Variants in VSTM4 observed in about 807,000 individuals in gnomAD.
VSTM4 encodes V-set and transmembrane domain-containing protein 4.
Under a neutral mutation model 36.4 loss-of-function variants are expected in VSTM4, and 20 were observed. The observed-to-expected ratio is 0.55, with a 90% CI of 0.39 to 0.80. The LOEUF (loss-of-function observed/expected upper bound fraction) is 0.80, where lower values mean the gene tolerates loss of function less well. Ranked by LOEUF, VSTM4 falls within the 30% of genes least tolerant of loss-of-function variation. The pLI is 0.00. For missense variants in VSTM4, 392 were observed against 404.5 expected (o/e 0.97, Z 0.26); for synonymous variants, 182 against 173.9 (o/e 1.05, Z -0.37).
chr10:49,051,249 A>C (rs1358127353), intron 5 of VSTM4, among the ~76,000 whole-genome samples: 1 of 152,084 alleles, frequency 6.6e-6, no homozygotes, highest in Non-Finnish European at 1.5e-5. Flanking sequence ...GCGATCTTTT[A>C]ACGTCTCCAC....
intron 2 of VSTM4, among the ~76,000 whole-genome samples, chr10:49,091,557 C>T (rs971363073): frequency 4.6e-5 from 7 of 152,142 alleles, no homozygotes; most frequent in South Asian, 2.1e-4. Context: ...GTGTGAAAAC[C>T]GAGAGCCCTA....
At chr10:49,025,766 G>A (rs1308074290) in intron 7 of VSTM4, among the ~76,000 whole-genome samples, 1 of 152,226 alleles carries the variant, frequency 6.6e-6, no homozygotes, top group African/African-American at 2.4e-5. Flanking sequence ...GCTAGCTGCA[G>A]GACATTCCTG....
At chr10:49,066,703 T>C (rs1333181716) in intron 4 of VSTM4, among the ~76,000 whole-genome samples, 2 of 152,168 alleles carry the variant, frequency 1.3e-5, no homozygotes, top group Non-Finnish European at 2.9e-5. Flanking sequence ...CTATTATGTA[T>C]CTAAATTTAT....
intron 1 of VSTM4, among the ~76,000 whole-genome samples, chr10:49,115,076 G>C (rs1260988414): frequency 6.6e-6 from 1 of 152,184 alleles, no homozygotes; most frequent in Non-Finnish European, 1.5e-5. Context: ...TGTGTGTCCT[G>C]ACTGCCGTGG....
chr10:49,062,313 T>C (rs1336553870), intron 5 of VSTM4, among the ~76,000 whole-genome samples: 5 of 62,336 alleles, frequency 8.0e-5, no homozygotes, highest in Non-Finnish European at 1.5e-4. Context: ...GGCTCCAACA[T>C]TTTTTTCTGT....
At position 49,019,767 on chromosome 10, in the gene VSTM4, A is replaced by G. The variant is rs1216201301; in HGVS notation, c.846T>C (p.Ile282=). The change falls in exon 8 of 8, where the codon ATT becomes ATC. Residue 282 remains isoleucine (I), a synonymous_variant. Coordinates refer to ENST00000332853, the MANE Select transcript of VSTM4 (RefSeq NM_001031746.5). ...KPQRKVTLPK[I]AEENLTYAEL... ...CGGCATAGGTTAAGTTTTCCTCAGCAATCTTTGGCTATAAAAGAAAAAACA... is the reference window on the plus strand; with the variant it reads ...CGGCATAGGTTAAGTTTTCCTCAGCGATCTTTGGCTATAAAAGAAAAAACA... The G allele has an allele frequency of 8.1e-6, 13 of 1,611,088 alleles. No individual in the cohort carries two copies. In the South Asian group the frequency reaches 1.4e-4, roughly 18 times the overall value.
intron 3 of VSTM4, among the ~76,000 whole-genome samples, chr10:49,079,201 C>G (rs182385196): frequency 3.9e-4 from 59 of 152,034 alleles, no homozygotes; most frequent in Non-Finnish European, 6.5e-4. Context: ...AAACCATGTT[C>G]ATGTACATAC....
At chr10:49,024,838 C>T (rs1877804) in intron 7 of VSTM4, among the ~76,000 whole-genome samples, 102,774 of 151,998 alleles carry the variant, frequency 0.68, 36,567 homozygotes, top group Non-Finnish European at 0.8. Context: ...AGGTAAGGAA[C>T]AGATTCTAGG....
chr10:49,074,948 G>A (rs970418578), intron 4 of VSTM4, among the ~76,000 whole-genome samples: 1 of 152,176 alleles, frequency 6.6e-6, no homozygotes. Flanking sequence ...CTCCTCAGCT[G>A]TGCTGTCAGG....
At chr10:49,036,261 C>T (rs931287445) in intron 7 of VSTM4, among the ~76,000 whole-genome samples, 7 of 152,164 alleles carry the variant, frequency 4.6e-5, no homozygotes, top group Non-Finnish European at 8.8e-5. Context: ...CATAACTCCC[C>T]GCAACAATAA....
chr10:49,063,088 C>A (rs1404515751), intron 5 of VSTM4, among the ~76,000 whole-genome samples: 1 of 151,394 alleles, frequency 6.6e-6, no homozygotes, highest in Non-Finnish European at 1.5e-5. Flanking sequence ...CCTGCAATCC[C>A]AGCATTTTTG....
chr10:49,037,155 C>G (rs1843443315), intron 7 of VSTM4, among the ~76,000 whole-genome samples: 1 of 152,202 alleles, frequency 6.6e-6, no homozygotes, highest in Non-Finnish European at 1.5e-5. Context: ...GATAAAACAA[C>G]TCCCTTTCTC....
intron 2 of VSTM4, among the ~76,000 whole-genome samples, chr10:49,092,751 C>A (rs1397754836): frequency 6.6e-6 from 1 of 152,168 alleles, no homozygotes; most frequent in Non-Finnish European, 1.5e-5. Context: ...AAGTTGAGAA[C>A]CTAGCAAGGC....
At chr10:49,061,058 C>T (rs1325356574) in intron 5 of VSTM4, among the ~76,000 whole-genome samples, 1 of 152,180 alleles carries the variant, frequency 6.6e-6, no homozygotes, top group Admixed American at 6.5e-5. Context: ...CTCCATTACT[C>T]TAGCATTAGA....
intron 4 of VSTM4, among the ~76,000 whole-genome samples, chr10:49,067,999 A>T (rs889195607): frequency 6.6e-6 from 1 of 152,220 alleles, no homozygotes; most frequent in South Asian, 2.1e-4. Flanking sequence ...TACAAGGTAA[A>T]TGCTATGTAA....
chr10:49,027,291 C>T (rs978134934), intron 7 of VSTM4, among the ~76,000 whole-genome samples: 7 of 152,170 alleles, frequency 4.6e-5, no homozygotes, highest in African/African-American at 1.4e-4. Flanking sequence ...ATGCTCTAAG[C>T]ATGCATGTTT....
chr10:49,092,881 GGT>G (rs1844501491), intron 2 of VSTM4, among the ~76,000 whole-genome samples: 2 of 152,132 alleles, frequency 1.3e-5, no homozygotes, highest in Non-Finnish European at 2.9e-5. Context: ...GACAGGCACT[GGT>G]ATGTAGGCAG....
rs544062032 is a variant in VSTM4, at chr10:49,082,528, A to G, written c.526+3427T>C. 2.6e-5 allele frequency among the ~76,000 whole-genome samples: 4 copies of G among 152,324 alleles called. No individual in the cohort carries two copies. The East Asian group carries it at 7.7e-4, about 29-fold the overall frequency. On this transcript the variant is annotated intron_variant, in intron 3 of 7. Transcript: ENST00000332853. ...TTTTTGTACTAAAAATACAAAAATT[A>G]GCCAGGTGTGGTGGCACATGCCTGT... is the stretch of plus-strand genomic sequence containing the variant.
rs1252667520 is a variant in VSTM4, at chr10:49,036,712, T to C, written c.837+10271A>G. Among the ~76,000 whole-genome samples, 3 of 152,220 alleles carry C rather than the reference T, an allele frequency of 2.0e-5. No individual in the cohort carries two copies. The East Asian group carries it at 5.8e-4, about 29-fold the overall frequency. ...ATTCTTTTTTGGCCCTGGCAGTACA[T>C]TCTCAATGGTGAAAACTAGGGCCGG... On this transcript the variant is annotated intron_variant, in intron 7 of 7. Coordinates refer to ENST00000332853, the MANE Select transcript of VSTM4 (RefSeq NM_001031746.5).
Sources: gnomAD v4.1 joint callset for allele counts (sites outside exome capture counted in the v4.1 genomes callset) on GRCh38, gnomAD v4.1.1 for gene constraint, MANE v1.5 for transcripts, NCBI Gene and HGNC (gene_info 2026-07-23, HGNC 2026-07-21) for gene names.